The following ABAT variants were observed in gnomAD, a reference collection of about 807,000 sequenced individuals.
ABAT encodes the protein 4-aminobutyrate aminotransferase, mitochondrial.
In ABAT, 45 loss-of-function variants were observed where a neutral mutation model predicts 64.6. The ratio of observed to expected loss-of-function variants is 0.70; its 90% CI spans 0.55 to 0.89. The LOEUF (loss-of-function observed/expected upper bound fraction) is 0.89. ABAT is among the 40% of genes least tolerant of loss of function. ABAT has a pLI of 0.00. For missense variants in ABAT, 633 were observed against 658.4 expected, an observed-to-expected ratio of 0.96 and a Z score of 0.42; for synonymous variants, 297 against 250.5, an observed-to-expected ratio of 1.19 and a Z score of -1.75.
chr16:8,711,014 C>T (rs1359115752), intron 1 of ABAT, among the ~76,000 whole-genome samples: 1 of 152,152 alleles, frequency 6.6e-6, no homozygotes, highest in Non-Finnish European at 1.5e-5. Context: ...GATGGATATA[C>T]CCAAGTTTAT....
intron 13 of ABAT, 64 bp downstream of exon 13, chr16:8,775,121 C>T: frequency 6.2e-7 from 1 of 1,607,832 alleles, no homozygotes; most frequent in African/African-American, 1.3e-5. Context: ...CTTCTCCTAA[C>T]TGTTCCTTTC....
intron 13 of ABAT, 121 bp downstream of exon 13, chr16:8,775,178 T>A (rs2060230112): frequency 1.5e-6 from 2 of 1,309,620 alleles, no homozygotes; most frequent in Non-Finnish European, 2.2e-6. Flanking sequence ...GCAGGTTTTC[T>A]AAGTCCCAGT....
intron 1 of ABAT, among the ~76,000 whole-genome samples, chr16:8,710,727 A>AGAGAGGGAGGGAGAGGGAGG (rs146344975): frequency 1.9e-5 from 2 of 103,700 alleles, no homozygotes; most frequent in African/African-American, 6.3e-5. Flanking sequence ...AGAGAGAGAG[A>AGAGAGGGAGGGAGAGGGAGG]GAGGAAATAG....
At chr16:8,770,388 C>T (rs903359938) in intron 11 of ABAT, among the ~76,000 whole-genome samples, 5 of 152,036 alleles carry the variant, frequency 3.3e-5, no homozygotes, top group African/African-American at 4.8e-5. Flanking sequence ...CCGCCCGCCT[C>T]GGCCTCCCAA....
intron 2 of ABAT, among the ~76,000 whole-genome samples, chr16:8,743,007 TAAAA>T (rs71152928): frequency 2.4e-5 from 3 of 124,250 alleles, no homozygotes; most frequent in Admixed American, 8.8e-5. Flanking sequence ...CTCATTTCTT[TAAAA>T]AAAAAAAAAA....
chr16:8,772,998 C>G, intron 12 of ABAT, 81 bp downstream of exon 12: 1 of 1,587,160 alleles, frequency 6.3e-7, no homozygotes. Flanking sequence ...AGCAGCACCT[C>G]TGCCTTGGAG....
chr16:8,755,910 G>A (rs947070148), intron 5 of ABAT, among the ~76,000 whole-genome samples: 20 of 152,226 alleles, frequency 1.3e-4, no homozygotes, highest in Admixed American at 3.9e-4. Flanking sequence ...TTAGCCAGGC[G>A]TGGTGATGGG....
At chr16:8,772,758 C>T (rs775929114) in intron 11 of ABAT, 22 bp from the exon 12 acceptor site, 1 of 1,613,978 alleles carries the variant, frequency 6.2e-7, no homozygotes. Context: ...CATCGGTGGT[C>T]ACTTTCCCCT....
intron 1 of ABAT, among the ~76,000 whole-genome samples, chr16:8,735,277 G>T (rs937403115): frequency 1.3e-5 from 2 of 151,570 alleles, no homozygotes; most frequent in African/African-American, 2.4e-5. Context: ...TTTGAGACAG[G>T]GTATCACTTT....
chr16:8,754,709 TC>T (rs1567305359), intron 5 of ABAT, among the ~76,000 whole-genome samples: 16 of 92,050 alleles, frequency 1.7e-4, no homozygotes, highest in African/African-American at 5.0e-4. Flanking sequence ...TTTCTTTCTT[TC>T]TTTCTTTCTT....
rs570999222 is a variant in ABAT, at chr16:8,698,433, A to G, written c.-42+23722A>G. Among the ~76,000 whole-genome samples the G allele has an allele frequency of 1.3e-4, 19 of 151,970 alleles. No individual in the cohort carries two copies. In the South Asian group the frequency reaches 2.5e-3, roughly 20 times the overall value. On this transcript the variant is annotated intron_variant, in intron 1 of 15. Transcript: ENST00000268251. The stretch of plus-strand genomic sequence containing the variant: ...ACCACAACCTCCGCCTCCTGGGTTC[A>G]AGTGATTCTCCTGCCTCAGCCTCCC...
intron 2 of ABAT, among the ~76,000 whole-genome samples, chr16:8,745,483 GC>G (rs1419030549): frequency 6.6e-6 from 1 of 152,006 alleles, no homozygotes; most frequent in Non-Finnish European, 1.5e-5. Flanking sequence ...GATTGCTTGA[GC>G]CCAGGAGTTT....
chr16:8,712,005 C>CG (rs60186520), intron 1 of ABAT, among the ~76,000 whole-genome samples: 72,757 of 150,462 alleles, frequency 0.48, 18,997 homozygotes, highest in South Asian at 0.69. Context: ...TTTGGGAGGT[C>CG]GGGGGGGAGG....
intron 14 of ABAT, among the ~76,000 whole-genome samples, chr16:8,777,680 G>C (rs1182617647): frequency 1.3e-5 from 2 of 152,184 alleles, no homozygotes; most frequent in African/African-American, 4.8e-5. Context: ...AGAGGGAGGG[G>C]TGTGTTCAAA....
At chr16:8,766,158 C>T (rs746456622) in intron 8 of ABAT, 50 bp from the exon 9 acceptor site, 2 of 1,580,522 alleles carry the variant, frequency 1.3e-6, no homozygotes, top group South Asian at 2.2e-5. Flanking sequence ...AGATGAAGCC[C>T]CGACTACCCC....
At chr16:8,768,302 A>G in intron 10 of ABAT, 46 bp downstream of exon 10, 3 of 1,586,074 alleles carry the variant, frequency 1.9e-6, no homozygotes, top group Non-Finnish European at 2.6e-6. Context: ...TAGAATAGTA[A>G]TAATAACGGC....
intron 3 of ABAT, among the ~76,000 whole-genome samples, 183 bp downstream of exon 3, chr16:8,746,281 C>T (rs1297745261): frequency 1.3e-5 from 2 of 152,034 alleles, no homozygotes; most frequent in Non-Finnish European, 2.9e-5. Flanking sequence ...GGGCTGGGCG[C>T]GGTGGCTGAC....
At chr16:8,760,369 C>G (rs1226519620) in intron 6 of ABAT, 1 of 152,244 alleles carries the variant, frequency 6.6e-6, no homozygotes, top group Non-Finnish European at 1.5e-5. Context: ...GCAGAAGGAA[C>G]AAAGACCCAA....
At chr16:8,728,146 T>C (rs1205044118) in intron 1 of ABAT, among the ~76,000 whole-genome samples, 4 of 152,222 alleles carry the variant, frequency 2.6e-5, no homozygotes, top group African/African-American at 9.6e-5. Flanking sequence ...AATTAACTTG[T>C]GTTGATTGAA....
Sources: allele counts gnomAD v4.1 joint callset (sites outside exome capture counted in the v4.1 genomes callset), GRCh38; gene constraint gnomAD v4.1.1; transcripts MANE v1.5; gene names NCBI Gene and HGNC (gene_info 2026-07-23, HGNC 2026-07-21).